PHF3: variants seen among roughly 807,000 people sequenced by gnomAD.
PHF3 encodes PHD finger protein 3.
Under a neutral mutation model 178.4 loss-of-function variants are expected in PHF3, and 41 were observed. That is an observed-to-expected ratio of 0.23 (90% confidence interval 0.18 to 0.30). PHF3 has a LOEUF of 0.30. Ranked by LOEUF, PHF3 falls within the 10% of genes least tolerant of loss-of-function variation. PHF3 has a pLI of 1.00. For synonymous variants in PHF3, 842 were observed against 800.5 expected, an observed-to-expected ratio of 1.05 and a Z score of -0.88; for missense variants, 2,346 against 2,398.1, an observed-to-expected ratio of 0.98 and a Z score of 0.45.
Position 63,684,989 on chromosome 6 carries a change from G to A in PHF3, c.1267G>A (p.Val423Met). 4 of 1,614,074 alleles carry A rather than the reference G, an allele frequency of 2.5e-6. No individual in the cohort carries two copies. Among genetic ancestry groups the A allele is most frequent in the Non-Finnish European group, 2.5e-6 (3 of 1,179,964 alleles). ...TGAGTTTAATAAATCAAACTTAGAG[G>A]TGGTTGATACTAGTACTTTTGGACC... ...STEFNKSNLE[V>M]VDTSTFGPES... Residue 423 changes from valine (V) to methionine (M), a missense_variant, in exon 4 of 16, where the codon GTG becomes ATG. Around this residue, in one of 8 missense-constraint regions of PHF3, gnomAD observed 843 missense variants for 795.2 expected, o/e 1.06. Coordinates refer to ENST00000262043, the MANE Select transcript of PHF3 (RefSeq NM_001370348.2).
chr6:63,673,867 G>T (rs1222037187), intron 2 of PHF3, among the ~76,000 whole-genome samples: 1 of 152,270 alleles, frequency 6.6e-6, no homozygotes, highest in East Asian at 1.9e-4. Flanking sequence ...GTTGACAGGA[G>T]CCAAGTATTT....
rs1328611973 is a variant in PHF3 at position 63,724,986 on chromosome 6, TTAAA to T, written c.*11284_*11287del. Among the ~76,000 whole-genome samples, 8 of 152,112 alleles carry T rather than the reference TTAAA, an allele frequency of 5.3e-5. No homozygotes were observed. Among genetic ancestry groups the T allele is most frequent in the East Asian group, 3.8e-4 (2 of 5,204 alleles). On this transcript the variant is annotated 3_prime_UTR_variant, in exon 16 of 16. Transcript: ENST00000262043. ...ACTGTCAGCTGCATTTTCTGCAACCTTAAATAAATGAGAGACTTCAAATAAACTT... is the reference window on the plus strand; with the variant it reads ...ACTGTCAGCTGCATTTTCTGCAACCTTAAATGAGAGACTTCAAATAAACTT...
rs1436130171 is a variant in PHF3 at position 63,718,146 on chromosome 6, AG to A, written c.*4440del. Among the ~76,000 whole-genome samples the A allele has an allele frequency of 6.6e-6, 1 of 152,048 alleles. No homozygotes were observed. The highest frequency in any genetic ancestry group is 1.5e-5 in the Non-Finnish European group (1 of 67,950). ...AAGTCATTTTGATTTATAGGAGAAA[AG>A]GCAGCAGTTTTCAGTTCTTAAATAT... is the stretch of plus-strand genomic sequence containing the variant. On this transcript the variant is annotated 3_prime_UTR_variant, in exon 16 of 16. Transcript: ENST00000262043.
chr6:63,716,870 A>C lies in PHF3; in HGVS notation c.*3162A>C, dbSNP rs909767824. 6.6e-6 allele frequency among the ~76,000 whole-genome samples: 1 copy of C among 151,992 alleles called. No homozygotes were observed. The highest frequency in any genetic ancestry group is 2.4e-5 in the African/African-American group (1 of 41,410). ...TGACCCCACCCAGATAATCCAGGGT[A>C]ATGTTCCTATTTTCAGGTCAGCTGA... On this transcript the variant is annotated 3_prime_UTR_variant, in exon 16 of 16. Coordinates refer to ENST00000262043, the MANE Select transcript of PHF3 (RefSeq NM_001370348.2).
Position 63,721,404 on chromosome 6 carries a change from C to G in PHF3, c.*7696C>G. The G allele has an allele frequency of 6.4e-7, 1 of 1,551,498 alleles. No individual in the cohort carries two copies. The highest frequency in any genetic ancestry group is 8.7e-7 in the Non-Finnish European group (1 of 1,146,830). ...GCATGTGTTGTACCCACAGGCTGTC[C>G]CATCACAGTCACCTACATTTGAGCC... On this transcript the variant is annotated 3_prime_UTR_variant, in exon 16 of 16. Transcript: ENST00000262043.
chr6:63,703,505 TA>T, intron 10 of PHF3, 30 bp from the exon 11 acceptor site: 1 of 1,585,834 alleles, frequency 6.3e-7, no homozygotes, highest in Non-Finnish European at 8.5e-7. Flanking sequence ...TTTTATCAGC[TA>T]AAACTAATTT....
At chr6:63,700,577 T>C (rs1767429478) in intron 9 of PHF3, 111 bp downstream of exon 9, 1 of 590,142 alleles carries the variant, frequency 1.7e-6, no homozygotes, top group African/African-American at 1.9e-5. Context: ...AACACAGACT[T>C]TCTGTTACAT....
chr6:63,653,879 A>G (rs561304366), intron 2 of PHF3, among the ~76,000 whole-genome samples: 4 of 152,242 alleles, frequency 2.6e-5, no homozygotes, highest in East Asian at 1.9e-4. Context: ...TCCTGTGTCT[A>G]TTGAGATGAT....
At chr6:63,678,957 TC>T (rs1338850931) in intron 2 of PHF3, 7 of 331,984 alleles carry the variant, frequency 2.1e-5, no homozygotes, top group African/African-American at 1.5e-4. Context: ...TGTATAGTGC[TC>T]TAAAGTTTAC....
chr6:63,643,189 T>C (rs1001165527), intron 1 of PHF3, among the ~76,000 whole-genome samples: 5 of 152,218 alleles, frequency 3.3e-5, no homozygotes, highest in African/African-American at 1.2e-4. Context: ...AATAGATTAG[T>C]GTATCCATTA....
rs1768173256 is a variant in PHF3, at chr6:63,715,858, C to T, written c.*2150C>T. ...TTTTCAATGAGTAGTAGATCCAAAG[C>T]CATTCTCAGTCCCAGGTACAACCAG... On this transcript the variant is annotated 3_prime_UTR_variant, in exon 16 of 16. Transcript: ENST00000262043. Among the ~76,000 whole-genome samples the T allele has an allele frequency of 1.3e-5, 2 of 152,018 alleles. No individual in the cohort carries two copies. The highest frequency in any genetic ancestry group is 1.5e-5 in the Non-Finnish European group (1 of 67,984).
In PHF3 at chr6:63,684,834, C is replaced by A. The variant is rs755147200; in HGVS notation, c.1112C>A (p.Thr371Asn). Residue 371 changes from threonine to asparagine, a missense_variant, in exon 4 of 16, where the codon ACT becomes AAT. Transcript: ENST00000262043. ...TTGCCTAGTTGTGTAGATGAAGTGA[C>A]TGAATGTAATTTGGAATTGAAGGAT... is the stretch of plus-strand genomic sequence containing the variant. Reference protein sequence around the residue: ...VGLPSCVDEVTECNLELKDTM... With the variant: ...VGLPSCVDEVNECNLELKDTM... 6.2e-7 allele frequency: 1 copy of A among 1,613,292 alleles called. No individual in the cohort carries two copies. The highest frequency in any genetic ancestry group is 1.1e-5 in the South Asian group (1 of 91,024).
intron 2 of PHF3, among the ~76,000 whole-genome samples, chr6:63,651,384 T>C (rs1765014187): frequency 6.6e-6 from 1 of 152,068 alleles, no homozygotes; most frequent in Non-Finnish European, 1.5e-5. Flanking sequence ...CTTTTTGAGA[T>C]GGAGTTTTTC....
chr6:63,655,456 G>T (rs1020961624), intron 2 of PHF3, among the ~76,000 whole-genome samples: 1 of 151,988 alleles, frequency 6.6e-6, no homozygotes, highest in Non-Finnish European at 1.5e-5. Context: ...CAAGCGAGCT[G>T]CCCACCTTAG....
rs548972707 is a variant in PHF3 at position 63,719,324 on chromosome 6, A to AT, written c.*5622dup. On this transcript the variant is annotated 3_prime_UTR_variant, in exon 16 of 16. Transcript: ENST00000262043. ...CAGAAATGTGTATTCATCAGCCCTT[A>AT]TTTTTTGTAAATCTTTTCTCTAATT... Among the ~76,000 whole-genome samples, 14 of 152,032 alleles carry AT rather than the reference A, an allele frequency of 9.2e-5. No individual in the cohort carries two copies. Among genetic ancestry groups the AT allele is most frequent in the Non-Finnish European group, 1.9e-4 (13 of 67,970 alleles).
chr6:63,711,511 G>A (rs984631574), intron 15 of PHF3, 75 bp from the exon 16 acceptor site: 2 of 1,416,156 alleles, frequency 1.4e-6, no homozygotes, highest in Admixed American at 2.3e-5. Context: ...CCTGTAATAA[G>A]TTAGAGGCAG....
Position 63,662,500 on chromosome 6 carries a change from C to T in PHF3, c.244+15705C>T, listed in dbSNP as rs138881844. Among the ~76,000 whole-genome samples the T allele has an allele frequency of 5.9e-5, 9 of 152,202 alleles. No homozygotes were observed. In the East Asian group the frequency reaches 1.5e-3, roughly 26 times the overall value. On this transcript the variant is annotated intron_variant, in intron 2 of 15. Coordinates refer to ENST00000262043, the MANE Select transcript of PHF3 (RefSeq NM_001370348.2). ...GTTGCCATTTTTACTATAGTTGCTG[C>T]CTGGATTCTTTTGGAACTCTGTAGA...
chr6:63,706,786 C>T lies in PHF3; in HGVS notation c.3621C>T (p.Phe1207=), dbSNP rs769036130. 15 of 1,613,934 alleles carry T rather than the reference C, an allele frequency of 9.3e-6. No individual in the cohort carries two copies. The highest frequency in any genetic ancestry group is 1.2e-5 in the Non-Finnish European group (14 of 1,179,832). Residue 1207 remains phenylalanine, a synonymous_variant, in exon 13 of 16, where the codon TTC becomes TTT. Transcript: ENST00000262043. ...CTACCTTTCTGGCTCGATTGAACTTCATCTGGAAAGGTTTTATCAACATGC... is the reference window on the plus strand; with the variant it reads ...CTACCTTTCTGGCTCGATTGAACTTTATCTGGAAAGGTTTTATCAACATGC... ...VESTFLARLN[F]IWKGFINMPS...
rs562627733 is a variant in PHF3, at chr6:63,668,068, C to G, written c.245-11932C>G. ...CCTTTTTCCTAATGGTTTTATGCAT[C>G]CATTGATGATATTCGCTGGAGTCAG... On this transcript the variant is annotated intron_variant, in intron 2 of 15. Coordinates refer to ENST00000262043, the MANE Select transcript of PHF3 (RefSeq NM_001370348.2). 1.1e-3 allele frequency among the ~76,000 whole-genome samples: 164 copies of G among 152,266 alleles called. 1 individual carries two copies. Among genetic ancestry groups the G allele is most frequent in the Non-Finnish European group, 1.3e-3 (89 of 68,018 alleles).
Sources: gnomAD v4.1 joint callset for allele counts (sites outside exome capture counted in the v4.1 genomes callset) on GRCh38, gnomAD v4.1.1 for gene constraint, gnomAD v4.1.1 regional missense constraint, MANE v1.5 for transcripts, NCBI Gene and HGNC (gene_info 2026-07-23, HGNC 2026-07-21) for gene names.